The following PCMT1 variants were observed in gnomAD, a reference collection of about 807,000 sequenced individuals.
The protein encoded by PCMT1 is protein-L-isoaspartate(D-aspartate) O-methyltransferase.
A neutral mutation model predicts 29.2 loss-of-function variants in PCMT1; 9 were observed. That is an observed-to-expected ratio of 0.31 (90% CI 0.19 to 0.54). The LOEUF is 0.54. PCMT1 is among the 20% of genes least tolerant of loss of function. The probability of loss-of-function intolerance (pLI) is 0.95; values close to 1 mark genes in which losing one functional copy is unlikely to be tolerated. For synonymous variants in PCMT1, 98 were observed against 97.5 expected (o/e 1.00, Z -0.03); for missense variants, 184 against 282.2 (o/e 0.65, Z 2.49).
At chr6:149,783,445 T>G (rs1787896412) in intron 3 of PCMT1, among the ~76,000 whole-genome samples, 1 of 152,110 alleles carries the variant, frequency 6.6e-6, no homozygotes, top group South Asian at 2.1e-4. Flanking sequence ...TGTTATTAAT[T>G]ATAAAGAAAA....
intron 1 of PCMT1, among the ~76,000 whole-genome samples, chr6:149,751,476 C>CTTTTTTTT (rs76128652): frequency 1.7e-5 from 2 of 116,558 alleles, no homozygotes; most frequent in African/African-American, 3.8e-5. Context: ...ATGGTTGGTA[C>CTTTTTTTT]TTTTTTTTTT....
chr6:149,786,040 AC>A (rs1440910040), intron 3 of PCMT1, among the ~76,000 whole-genome samples: 3 of 123,550 alleles, frequency 2.4e-5, no homozygotes, highest in African/African-American at 9.5e-5. Context: ...CGGGGGGCTG[AC>A]CCCCCCACCT....
chr6:149,809,875 A>G (rs1031308149), intron 7 of PCMT1, among the ~76,000 whole-genome samples: 5 of 151,944 alleles, frequency 3.3e-5, no homozygotes, highest in African/African-American at 1.2e-4. Context: ...CTTTACCCCT[A>G]AAGTTCTTGT....
At chr6:149,750,811 G>C (rs934413251) in intron 1 of PCMT1, among the ~76,000 whole-genome samples, 1 of 151,784 alleles carries the variant, frequency 6.6e-6, no homozygotes, top group African/African-American at 2.4e-5. Context: ...TTTTTAAATC[G>C]AAATATAGCG....
intron 3 of PCMT1, among the ~76,000 whole-genome samples, chr6:149,776,339 G>A (rs77566121): frequency 5.4e-5 from 4 of 74,514 alleles, no homozygotes; most frequent in African/African-American, 9.8e-5. Context: ...CCTCCGCCCC[G>A]TGGATTCAAG....
intron 6 of PCMT1, chr6:149,797,972 C>G (rs1288012858): frequency 6.6e-6 from 1 of 152,024 alleles, no homozygotes; most frequent in Non-Finnish European, 1.5e-5. Flanking sequence ...TCGAGACCAG[C>G]CTGGGCAACA....
In PCMT1 at chr6:149,780,898, A is replaced by G. The variant is rs562877378; in HGVS notation, c.192+7729A>G. Among the ~76,000 whole-genome samples, 223 of 152,318 alleles carry G rather than the reference A, an allele frequency of 1.5e-3. 1 individual carries two copies. Among genetic ancestry groups the G allele is most frequent in the African/African-American group, 5.1e-3 (210 of 41,582 alleles). On this transcript the variant is annotated intron_variant, in intron 3 of 7. Coordinates refer to ENST00000464889, the MANE Select transcript of PCMT1 (RefSeq NM_001360452.2). ...TTACCAGATCATATATGAAAACTCTATGTTTAACATTTTGTGGAATGGCCA... is the reference window on the plus strand; with the variant it reads ...TTACCAGATCATATATGAAAACTCTGTGTTTAACATTTTGTGGAATGGCCA...
chr6:149,770,055 T>C (rs1787249085), intron 1 of PCMT1, among the ~76,000 whole-genome samples: 1 of 152,230 alleles, frequency 6.6e-6, no homozygotes, highest in South Asian at 2.1e-4. Flanking sequence ...CTCTGTTTTC[T>C]TTGCATATCT....
chr6:149,781,267 C>T (rs1787804722), intron 3 of PCMT1, among the ~76,000 whole-genome samples: 3 of 148,972 alleles, frequency 2.0e-5, no homozygotes. Flanking sequence ...CGCTCTGTCA[C>T]CCGGGCTGGA....
rs58998570 is a variant in PCMT1 at position 149,805,939 on chromosome 6, C to CA, written c.*37+3541dup. On this transcript the variant is annotated intron_variant, in intron 7 of 7. Coordinates refer to ENST00000464889, the MANE Select transcript of PCMT1 (RefSeq NM_001360452.2). ...CTGGCGACAGAGTAAGACTCTGTCT[C>CA]AAAAAAAAAAAAAAAAAATTGAGCA... Among the ~76,000 whole-genome samples the CA allele has an allele frequency of 4.0e-3, 342 of 85,872 alleles. 1 individual carries two copies. Among genetic ancestry groups the CA allele is most frequent in the Non-Finnish European group, 6.5e-3 (217 of 33,210 alleles). 56.3% of individuals were successfully genotyped at this position (85,872 alleles called of 152,430 possible).
chr6:149,793,321 T>C (rs1788455489), intron 4 of PCMT1, among the ~76,000 whole-genome samples: 1 of 152,192 alleles, frequency 6.6e-6, no homozygotes. Flanking sequence ...AAGAAAGATA[T>C]AATTTTTCTT....
chr6:149,800,615 C>A (rs1775799511), intron 6 of PCMT1, among the ~76,000 whole-genome samples: 1 of 152,074 alleles, frequency 6.6e-6, no homozygotes, highest in African/African-American at 2.4e-5. Context: ...TAAGAGCTTC[C>A]ATTGAGTACT....
chr6:149,779,826 A>G (rs1469180493), intron 3 of PCMT1, among the ~76,000 whole-genome samples: 1 of 151,962 alleles, frequency 6.6e-6, no homozygotes, highest in African/African-American at 2.4e-5. Flanking sequence ...AAAAAAAAGA[A>G]GTATGAATGC....
At position 149,767,256 on chromosome 6, in the gene PCMT1, CTCT is replaced by C. The variant is rs1386633367; in HGVS notation, c.56-3904_56-3902del. Reference sequence around the variant, plus strand: ...TCATGTTGGGTATATCAGTAATTCACTCTTTTTTTTTTTTCTGCTGCTCTTCAA... The same window carrying C: ...TCATGTTGGGTATATCAGTAATTCACTTTTTTTTTTTCTGCTGCTCTTCAA... On this transcript the variant is annotated intron_variant, in intron 1 of 7. Transcript: ENST00000464889. Among the ~76,000 whole-genome samples, 4 of 101,634 alleles carry C rather than the reference CTCT, an allele frequency of 3.9e-5. No individual in the cohort carries two copies. In the East Asian group the frequency reaches 2.3e-3, roughly 59 times the overall value. The allele number at this position is 101,634 out of a possible 152,430, so 66.7% of individuals were successfully genotyped here.
At chr6:149,798,869 G>A (rs1442261092) in intron 6 of PCMT1, among the ~76,000 whole-genome samples, 1 of 152,342 alleles carries the variant, frequency 6.6e-6, no homozygotes, top group Admixed American at 6.5e-5. Context: ...TGCTGCTTGA[G>A]ACTCTGCATG....
At chr6:149,795,869 G>T in intron 5 of PCMT1, 1 of 187,614 alleles carries the variant, frequency 5.3e-6, no homozygotes, top group South Asian at 1.1e-4. Flanking sequence ...TGAATGATTA[G>T]GATGAGATTT....
chr6:149,762,533 GATAT>G (rs372465246), intron 1 of PCMT1, among the ~76,000 whole-genome samples: 1 of 25,648 alleles, frequency 3.9e-5, no homozygotes. Flanking sequence ...ATATATCTAT[GATAT>G]ATATATCTAT....
At chr6:149,803,108 T>A (rs1423888998) in intron 7 of PCMT1, among the ~76,000 whole-genome samples, 1 of 150,264 alleles carries the variant, frequency 6.7e-6, no homozygotes, top group Non-Finnish European at 1.5e-5. Context: ...TCCTGCCCTG[T>A]TTATTGTACC....
intron 3 of PCMT1, among the ~76,000 whole-genome samples, chr6:149,775,005 C>A (rs1246978527): frequency 6.6e-6 from 1 of 152,056 alleles, no homozygotes; most frequent in Non-Finnish European, 1.5e-5. Flanking sequence ...CCCCACCCAG[C>A]CTTAACTTTT....
Sources: gnomAD v4.1 joint callset for allele counts (sites outside exome capture counted in the v4.1 genomes callset) on GRCh38, gnomAD v4.1.1 for gene constraint, MANE v1.5 for transcripts, NCBI Gene and HGNC (gene_info 2026-07-23, HGNC 2026-07-21) for gene names.